SPG11: variants seen among roughly 807,000 people sequenced by gnomAD.
SPG11 encodes SPG11 vesicle trafficking associated, spatacsin, also known as spatacsin.
Under a neutral mutation model 274.0 loss-of-function variants are expected in SPG11, and 222 were observed. That is an observed-to-expected ratio of 0.81 (90% CI 0.73 to 0.91). The LOEUF (loss-of-function observed/expected upper bound fraction) is 0.91, where lower values mean the gene tolerates loss of function less well. Among genes scored for constraint, SPG11 ranks in the 40% least tolerant of loss-of-function variants. SPG11 has a pLI of 0.00. For missense variants in SPG11, 3,114 were observed against 2,872.7 expected, an observed-to-expected ratio of 1.08 and a Z score of -1.92; for synonymous variants, 1,144 against 1,039.7, an observed-to-expected ratio of 1.10 and a Z score of -1.93.
At position 44,569,475 on chromosome 15, in the gene SPG11, T is replaced by C; in HGVS notation, c.6508A>G (p.Asn2170Asp). ...VRLLTGIGRY[N>D]EMTYIFDLLH... Reference sequence around the variant, plus strand: ...AAATCAAATATGTATGTCATCTCGTTGTACCTTCCAATGCCAGTGAGGAGC... The same window carrying C: ...AAATCAAATATGTATGTCATCTCGTCGTACCTTCCAATGCCAGTGAGGAGC... The change falls in exon 35 of 40, where the codon AAC becomes GAC. Residue 2170 changes from asparagine to aspartate, a missense_variant. By Grantham distance (23) the Asn-to-Asp change is conservative (BLOSUM62 1). Coordinates refer to ENST00000261866, the MANE Select transcript of SPG11 (RefSeq NM_025137.4). 1 of 1,600,916 alleles carries C rather than the reference T, an allele frequency of 6.2e-7. No homozygotes were observed. Among genetic ancestry groups the C allele is most frequent in the Non-Finnish European group, 8.5e-7 (1 of 1,172,964 alleles).
At chr15:44,621,708 C>T (rs749335870) in intron 14 of SPG11, 51 bp downstream of exon 14, 5 of 1,517,654 alleles carry the variant, frequency 3.3e-6, no homozygotes, top group Admixed American at 1.7e-5. Context: ...TATCAATACC[C>T]AATTTAATCC....
chr15:44,631,171 A>G (rs2084050352), intron 8 of SPG11, among the ~76,000 whole-genome samples: 1 of 152,220 alleles, frequency 6.6e-6, no homozygotes, highest in Admixed American at 6.6e-5. Flanking sequence ...TATATGTGAA[A>G]TTACACACAC....
intron 10 of SPG11, 125 bp from the exon 11 acceptor site, chr15:44,626,632 T>G (rs2083908280): frequency 9.8e-7 from 1 of 1,022,030 alleles, no homozygotes; most frequent in Non-Finnish European, 1.4e-6. Context: ...TATTACTAGA[T>G]TTGGAGTTAG....
rs779900397 is a variant in SPG11, at chr15:44,563,195, A to G, written c.7258T>C (p.Phe2420Leu). The change falls in exon 40 of 40, where the codon TTT (phenylalanine) becomes CTT (leucine). Residue 2420 changes from phenylalanine (F) to leucine (L), a missense_variant. Phe to Leu is a conservative substitution (Grantham distance 22). Transcript: ENST00000261866. ...LYYKLAYEHKFYEIVNVLLKD... is the reference protein window; with the variant it reads ...LYYKLAYEHKLYEIVNVLLKD... ...AGAAGCACATTTACAATTTCATAAAACTTGTGTTCGTATGCCAACTTGTAA... is the reference window on the plus strand; with the variant it reads ...AGAAGCACATTTACAATTTCATAAAGCTTGTGTTCGTATGCCAACTTGTAA... 3 of 1,614,186 alleles carry G rather than the reference A, an allele frequency of 1.9e-6. No individual in the cohort carries two copies. In the South Asian group the frequency reaches 3.3e-5, roughly 18 times the overall value.
At chr15:44,611,958 A>C (rs916731477) in intron 17 of SPG11, among the ~76,000 whole-genome samples, 1 of 151,942 alleles carries the variant, frequency 6.6e-6, no homozygotes, top group East Asian at 1.9e-4. Flanking sequence ...GGCACCCGCC[A>C]CCAAGCCGGG....
At chr15:44,617,393 A>G (rs2083616066) in intron 15 of SPG11, among the ~76,000 whole-genome samples, 1 of 152,256 alleles carries the variant, frequency 6.6e-6, no homozygotes, top group Non-Finnish European at 1.5e-5. Context: ...GATGTAATGT[A>G]CAACACAAGG....
chr15:44,663,643 G>A lies in SPG11; in HGVS notation c.5C>T (p.Ala2Val). ...AGCACTCGCGACCCCTTCCTCTGCAGCCATCTTGGCCCGGCGGTTACTTCC... is the reference window on the plus strand; with the variant it reads ...AGCACTCGCGACCCCTTCCTCTGCAACCATCTTGGCCCGGCGGTTACTTCC... M[A>V]AEEGVASAAS... is the part of the protein sequence containing the mutation. The change falls in exon 1 of 40, where the codon GCT becomes GTT. Residue 2 changes from alanine (A) to valine (V), a missense_variant. Physicochemically the swap from Ala to Val is moderately conservative, Grantham distance 64 (BLOSUM62 0). Coordinates refer to ENST00000261866, the MANE Select transcript of SPG11 (RefSeq NM_025137.4). 1.3e-6 allele frequency: 2 copies of A among 1,592,948 alleles called. No individual in the cohort carries two copies. Among genetic ancestry groups the A allele is most frequent in the Non-Finnish European group, 1.7e-6 (2 of 1,175,864 alleles).
At chr15:44,571,757 A>G (rs1462552797) in intron 33 of SPG11, among the ~76,000 whole-genome samples, 2 of 152,030 alleles carry the variant, frequency 1.3e-5, no homozygotes, top group Non-Finnish European at 2.9e-5. Flanking sequence ...TCGGCCTCCC[A>G]AAGTGCTGGG....
chr15:44,651,598 A>AT lies in SPG11; in HGVS notation c.1348dup (p.Ile450AsnfsTer26), dbSNP rs312262725. The stretch of plus-strand genomic sequence containing the variant: ...CTGGGTCTCCAAATCCCAGAGGGTA[A>AT]TGGTATAGCCCATCCTTTCCACTTC... On this transcript the variant is annotated frameshift_variant, in exon 6 of 40. Coordinates refer to ENST00000261866, the MANE Select transcript of SPG11 (RefSeq NM_025137.4). LOFTEE classifies it high-confidence loss of function. The AT allele has an allele frequency of 1.1e-4, 170 of 1,614,084 alleles. No homozygotes were observed. Among genetic ancestry groups the AT allele is most frequent in the Non-Finnish European group, 1.4e-4 (162 of 1,180,032 alleles).
intron 20 of SPG11, chr15:44,604,236 C>T (rs2083264293): frequency 2.6e-6 from 1 of 382,574 alleles, no homozygotes; most frequent in African/African-American, 2.2e-5. Flanking sequence ...CTGGAGGTAT[C>T]TGTCATCTTA....
At position 44,636,945 on chromosome 15, in the gene SPG11, AAAAAAAAAAAAAC is replaced by A. The variant is rs1426676716; in HGVS notation, c.1603-3321_1603-3309del. Among the ~76,000 whole-genome samples, 38 of 120,700 alleles carry A rather than the reference AAAAAAAAAAAAAC, an allele frequency of 3.1e-4. No homozygotes were observed. The East Asian group carries it at 3.7e-3, about 12-fold the overall frequency. The allele number at this position is 120,700 out of a possible 152,430, so 79.2% of individuals were successfully genotyped here. On this transcript the variant is annotated intron_variant, in intron 7 of 39. Transcript: ENST00000261866. Reference sequence around the variant, plus strand: ...CATCTCAAAAAAAAAAAAAAAAAAAAAAAAAAAAAAAACAAAAAAAAAACACAAATGTGGTAAA... The same window carrying A: ...CATCTCAAAAAAAAAAAAAAAAAAAAAAAAAAAAAACACAAATGTGGTAAA...
intron 7 of SPG11, among the ~76,000 whole-genome samples, chr15:44,634,551 T>G (rs536090957): frequency 2.0e-5 from 3 of 152,086 alleles, no homozygotes; most frequent in African/African-American, 7.2e-5. Flanking sequence ...CCGAAATTGC[T>G]GGGATTACAG....
At chr15:44,571,418 C>G (rs919293101) in intron 33 of SPG11, among the ~76,000 whole-genome samples, 1 of 151,254 alleles carries the variant, frequency 6.6e-6, no homozygotes, top group Non-Finnish European at 1.5e-5. Context: ...GTGTCTGGCA[C>G]AAAGTTGGCA....
Position 44,628,754 on chromosome 15 carries a change from A to G in SPG11, c.1982T>C (p.Leu661Pro), listed in dbSNP as rs1476582171. ...RTFMIKFPWK[L>P]TDAIDEYDVH... ...ATCATATTCATCTATAGCATCTGTT[A>G]GCTTCCAAGGAAACTTTATCATGAA... is the stretch of plus-strand genomic sequence containing the variant. Residue 661 changes from leucine (L) to proline (P), a missense_variant, in exon 10 of 40, where the codon CTA becomes CCA. Physicochemically the swap from Leu to Pro is moderately conservative, Grantham distance 98 (BLOSUM62 -3). Coordinates refer to ENST00000261866, the MANE Select transcript of SPG11 (RefSeq NM_025137.4). 7 of 1,613,596 alleles carry G rather than the reference A, an allele frequency of 4.3e-6. No individual in the cohort carries two copies. In the African/African-American group the frequency reaches 5.3e-5, roughly 12 times the overall value.
chr15:44,626,787 T>C (rs2083912531), intron 10 of SPG11, among the ~76,000 whole-genome samples: 1 of 152,058 alleles, frequency 6.6e-6, no homozygotes, highest in South Asian at 2.1e-4. Context: ...GAGAAACACC[T>C]AAATAAGAAG....
intron 30 of SPG11, among the ~76,000 whole-genome samples, chr15:44,581,253 C>CTGGA (rs1187242615): frequency 6.6e-6 from 1 of 152,206 alleles, no homozygotes; most frequent in African/African-American, 2.4e-5. Context: ...GTTGCCCAGG[C>CTGGA]TGGAGTGCAG....
intron 35 of SPG11, among the ~76,000 whole-genome samples, chr15:44,568,113 T>C (rs2082346518): frequency 6.6e-6 from 1 of 152,212 alleles, no homozygotes; most frequent in Non-Finnish European, 1.5e-5. Context: ...TATATATAGA[T>C]GTTTTCAGGT....
intron 34 of SPG11, among the ~76,000 whole-genome samples, chr15:44,569,939 C>G (rs1034796690): frequency 2.1e-4 from 32 of 152,160 alleles, no homozygotes; most frequent in African/African-American, 7.5e-4. Context: ...AACTCCTGAC[C>G]TCAGGCAATC....
At chr15:44,652,525 A>G (rs1566827553) in intron 4 of SPG11, among the ~76,000 whole-genome samples, 1 of 152,186 alleles carries the variant, frequency 6.6e-6, no homozygotes, top group Non-Finnish European at 1.5e-5. Flanking sequence ...TATGCTAAAC[A>G]CTTCACACAA....
Sources: allele counts gnomAD v4.1 joint callset (sites outside exome capture counted in the v4.1 genomes callset), GRCh38; gene constraint gnomAD v4.1.1; transcripts MANE v1.5; gene names NCBI Gene and HGNC (gene_info 2026-07-23, HGNC 2026-07-21).